The following CCDC9 variants were observed in gnomAD, a reference collection of about 807,000 sequenced individuals.
The protein encoded by CCDC9 is coiled-coil domain containing 9.
A neutral mutation model predicts 65.6 loss-of-function variants in CCDC9; 52 were observed. The observed-to-expected ratio is 0.79, with a 90% CI of 0.63 to 1.00. The LOEUF (loss-of-function observed/expected upper bound fraction) is 1.00, where lower values mean the gene tolerates loss of function less well. CCDC9 is among the 50% of genes least tolerant of loss of function. CCDC9 has a pLI of 0.00. For missense variants in CCDC9, 834 were observed against 757.2 expected (o/e 1.10, Z -1.19); for synonymous variants, 332 against 280.3 (o/e 1.18, Z -1.84).
chr19:47,273,963 C>T (rs372200734), downstream of CCDC9: 1 of 984,582 alleles, frequency 1.0e-6, no homozygotes, highest in Non-Finnish European at 1.2e-6. Flanking sequence ...CCCCCTCCCG[C>T]AGGCCTCCCC....
chr19:47,272,096 C>T (rs1363397988), downstream of CCDC9: 61 of 1,235,728 alleles, frequency 4.9e-5, no homozygotes, highest in South Asian at 3.2e-4. Context: ...CCTGCCTTCC[C>T]GGAGAGTGGG....
chr19:47,271,441 A>G lies in CCDC9; in HGVS notation c.1359A>G (p.Pro453=). Residue 453 remains proline, a synonymous_variant, in exon 12 of 12, where the codon CCA becomes CCG. Coordinates refer to ENST00000221922, the MANE Select transcript of CCDC9 (RefSeq NM_015603.3). ...AACCAGCCCAAGACCACCAAGCCCC[A>G]GAGGCTGCCCCCACCGGGATCCCCT... The part of the protein sequence containing the change: ...EEEPAQDHQA[P]EAAPTGIPCS... The G allele has an allele frequency of 3.7e-6, 6 of 1,613,808 alleles. No homozygotes were observed. The highest frequency in any genetic ancestry group is 5.1e-6 in the Non-Finnish European group (6 of 1,179,952).
downstream of CCDC9, chr19:47,274,802 CG>C (rs1184101474): frequency 2.1e-5 from 13 of 619,870 alleles, no homozygotes; most frequent in Non-Finnish European, 2.4e-5. Context: ...ACCATGCTGG[CG>C]GGGGCGGGGC....
downstream of CCDC9, among the ~76,000 whole-genome samples, chr19:47,272,358 T>C (rs1159257664): frequency 6.6e-6 from 1 of 151,926 alleles, no homozygotes; most frequent in Non-Finnish European, 1.5e-5. Flanking sequence ...GGGGCAACTT[T>C]ATGGGCCAAG....
At chr19:47,271,973 T>A (rs1329866121), downstream of CCDC9, 5 of 1,263,396 alleles carry the variant, frequency 4.0e-6, no homozygotes, top group Non-Finnish European at 5.0e-6. Context: ...CCCAGGTGTG[T>A]CCTTGAACCC....
At chr19:47,266,506 G>T in intron 7 of CCDC9, 105 bp from the exon 8 acceptor site, 1 of 1,428,880 alleles carries the variant, frequency 7.0e-7, no homozygotes, top group Non-Finnish European at 9.2e-7. Context: ...TCTCTGCCTT[G>T]TCATCGCTTC....
downstream of CCDC9, chr19:47,274,802 C>CG: frequency 3.2e-6 from 2 of 619,860 alleles, no homozygotes; most frequent in Non-Finnish European, 3.9e-6. Flanking sequence ...ACCATGCTGG[C>CG]GGGGGCGGGG....
chr19:47,274,184 C>T (rs540555991), downstream of CCDC9, among the ~76,000 whole-genome samples: 3 of 152,234 alleles, frequency 2.0e-5, no homozygotes, highest in East Asian at 5.8e-4. Context: ...GGAGCTGGAA[C>T]CTCGGGGCCT....
chr19:47,275,348 ACT>A (rs775831471), downstream of CCDC9: 6 of 1,538,320 alleles, frequency 3.9e-6, no homozygotes, highest in Non-Finnish European at 5.3e-6. Context: ...GACCCGGGTA[ACT>A]CTCCCTTCCA....
chr19:47,272,698 C>T (rs1333468374), downstream of CCDC9, among the ~76,000 whole-genome samples: 3 of 152,124 alleles, frequency 2.0e-5, no homozygotes, highest in African/African-American at 7.2e-5. Flanking sequence ...CTCGAAAAGG[C>T]CAAAGAGATG....
downstream of CCDC9, chr19:47,274,966 G>A (rs1020434530): frequency 4.9e-6 from 7 of 1,438,554 alleles, no homozygotes; most frequent in African/African-American, 6.0e-5. Flanking sequence ...AGCCCCGGAG[G>A]CGCGGGGCTG....
downstream of CCDC9, chr19:47,275,471 C>T (rs1257291203): frequency 3.0e-6 from 4 of 1,344,576 alleles, no homozygotes; most frequent in Non-Finnish European, 2.9e-6. Flanking sequence ...GTCTCTGGAG[C>T]CGTCATCCCG....
At chr19:47,256,675 G>A (rs2059011207) in intron 1 of CCDC9, 66 bp downstream of exon 1, 1 of 96,510 alleles carries the variant, frequency 1.0e-5, no homozygotes, top group Admixed American at 1.2e-4. Context: ...CACGTGGCGG[G>A]GAGTGCGAAC....
intron 7 of CCDC9, 37 bp from the exon 8 acceptor site, chr19:47,266,574 G>C (rs760057485): frequency 1.3e-6 from 2 of 1,481,810 alleles, no homozygotes; most frequent in Admixed American, 2.3e-5. Flanking sequence ...GGTAGGGTGC[G>C]GGACATCACC....
At chr19:47,270,815 C>A in intron 10 of CCDC9, 127 bp downstream of exon 10, 1 of 1,155,370 alleles carries the variant, frequency 8.7e-7, no homozygotes, top group Non-Finnish European at 1.2e-6. Context: ...CTGTCTATCT[C>A]GCAGGTCCGT....
Position 47,271,755 on chromosome 19 carries a change from G to GCGCT in CCDC9, c.*80_*81insTCGC, listed in dbSNP as rs2059125206. On this transcript the variant is annotated 3_prime_UTR_variant, in exon 12 of 12. Coordinates refer to ENST00000221922, the MANE Select transcript of CCDC9 (RefSeq NM_015603.3). The stretch of plus-strand genomic sequence containing the variant: ...TGTGCGCGCGCGCGCGCGCGCGCGC[G>GCGCT]CGCGCTAGAGGGGTGTGGCTGGTGG... The GCGCT allele has an allele frequency of 1.5e-6, 2 of 1,363,310 alleles. No homozygotes were observed. The highest frequency in any genetic ancestry group is 1.9e-6 in the Non-Finnish European group (2 of 1,036,950). The allele number at this position is 1,363,310 out of a possible 1,614,324, so 84.5% of individuals were successfully genotyped here. A position where few individuals can be genotyped will look rare whatever the true frequency, so the allele number is the denominator to read the frequency against.
chr19:47,272,199 C>T, downstream of CCDC9: 4 of 1,199,656 alleles, frequency 3.3e-6, no homozygotes, highest in Non-Finnish European at 4.2e-6. Context: ...GAGGCCGCTG[C>T]TTCCTCTTTC....
At chr19:47,265,047 T>A in intron 7 of CCDC9, 101 bp downstream of exon 7, 3 of 1,073,386 alleles carry the variant, frequency 2.8e-6, no homozygotes, top group Non-Finnish European at 3.6e-6. Context: ...TCTCCTTTTT[T>A]GTGCCACAGC....
chr19:47,273,606 G>A, downstream of CCDC9: 1 of 399,738 alleles, frequency 2.5e-6, no homozygotes, highest in Non-Finnish European at 4.4e-6. Context: ...GGCGGGGCCA[G>A]GGCAGTAGTC....
Sources: gnomAD v4.1 joint callset for allele counts (sites outside exome capture counted in the v4.1 genomes callset) on GRCh38, gnomAD v4.1.1 for gene constraint, MANE v1.5 for transcripts, NCBI Gene and HGNC (gene_info 2026-07-23, HGNC 2026-07-21) for gene names.